Variants in RNF181 observed in about 807,000 individuals in gnomAD.
The protein encoded by RNF181 is E3 ubiquitin-protein ligase RNF181.
Under a neutral mutation model 23.3 loss-of-function variants are expected in RNF181, and 25 were observed. The observed-to-expected ratio is 1.07, with a 90% CI of 0.78 to 1.50. The LOEUF (loss-of-function observed/expected upper bound fraction) is 1.50. Ranked by LOEUF, RNF181 falls within the 40% of genes most tolerant of loss-of-function variation. RNF181 has a pLI of 0.00. For synonymous variants in RNF181, 62 were observed against 70.9 expected, an observed-to-expected ratio of 0.87 and a Z score of 0.63; for missense variants, 167 against 191.1, an observed-to-expected ratio of 0.87 and a Z score of 0.74.
chr2:85,596,000 G>A, intron 1 of RNF181, 151 bp downstream of exon 1: 1 of 697,024 alleles, frequency 1.4e-6, no homozygotes, highest in African/African-American at 1.8e-5. Flanking sequence ...TGAGGGGTGT[G>A]GGGATGAGCA....
chr2:85,597,209 T>C (rs1672694026), intron 4 of RNF181, 31 bp downstream of exon 4: 2 of 1,576,336 alleles, frequency 1.3e-6, no homozygotes, highest in Non-Finnish European at 8.7e-7. Flanking sequence ...GGAGGGGTCG[T>C]AATGGGCTCC....
chr2:85,596,654 G>T lies in RNF181; in HGVS notation c.217+5G>T. ...TCATCAGAGGCTCTCAGGCTGGTGA[G>T]GACACTGATTCTTTCTGCTATTTGG... is the stretch of plus-strand genomic sequence containing the variant. On this transcript the variant is annotated splice_donor_5th_base_variant and intron_variant, in intron 2 of 4. Transcript: ENST00000306368. The T allele has an allele frequency of 6.2e-7, 1 of 1,613,394 alleles. No homozygotes were observed. Among genetic ancestry groups the T allele is most frequent in the Non-Finnish European group, 8.5e-7 (1 of 1,179,404 alleles).
chr2:85,596,536 T>C lies in RNF181; in HGVS notation c.104T>C (p.Met35Thr). The change falls in exon 2 of 5, where the codon ATG becomes ACG. Residue 35 changes from methionine to threonine, a missense_variant. Coordinates refer to ENST00000306368, the MANE Select transcript of RNF181 (RefSeq NM_016494.4). The part of the protein sequence containing the change: ...LELARSLFNR[M>T]DFEDLGLVVD... ...TTCCCCAGGTCACTTTTCAATAGGA[T>C]GGACTTTGAAGACTTGGGGTTGGTA... 6.2e-7 allele frequency: 1 copy of C among 1,611,176 alleles called. No homozygotes were observed. Among genetic ancestry groups the C allele is most frequent in the Non-Finnish European group, 8.5e-7 (1 of 1,178,910 alleles).
intron 4 of RNF181, 95 bp from the exon 5 acceptor site, chr2:85,597,350 G>T: frequency 6.8e-7 from 1 of 1,478,330 alleles, no homozygotes; most frequent in Non-Finnish European, 9.1e-7. Context: ...GACGCCAGAG[G>T]CCTGAAAACA....
chr2:85,597,381 G>T (rs1396886103), intron 4 of RNF181, 64 bp from the exon 5 acceptor site: 1 of 1,540,522 alleles, frequency 6.5e-7, no homozygotes, highest in Middle Eastern at 2.3e-4. Flanking sequence ...CATAATAGCT[G>T]CCCATCCCCT....
chr2:85,596,157 G>T (rs1672668801), intron 1 of RNF181, among the ~76,000 whole-genome samples: 1 of 152,020 alleles, frequency 6.6e-6, no homozygotes, highest in African/African-American at 2.4e-5. Context: ...GCGGGGTTGG[G>T]GCCGTGTGCT....
chr2:85,596,638 G>A lies in RNF181; in HGVS notation c.206G>A (p.Gly69Asp). The change falls in exon 2 of 5, where the codon GGC (glycine) becomes GAC (aspartate). Residue 69 changes from glycine to aspartate, a missense_variant. By Grantham distance (94) the Gly-to-Asp change is moderately conservative. Transcript: ENST00000306368. ...VENLPRTVIR[G>D]SQAELKCPVC... ...AACCTCCCCAGGACAGTCATCAGAG[G>A]CTCTCAGGCTGGTGAGGACACTGAT... 6.2e-7 allele frequency: 1 copy of A among 1,613,682 alleles called. No individual in the cohort carries two copies. The highest frequency in any genetic ancestry group is 1.1e-5 in the South Asian group (1 of 91,080).
In RNF181 at chr2:85,597,113, T is replaced by A; in HGVS notation, c.337T>A (p.Cys113Ser). The A allele has an allele frequency of 1.2e-6, 2 of 1,614,186 alleles. No individual in the cohort carries two copies. The highest frequency in any genetic ancestry group is 2.2e-5 in the South Asian group (2 of 91,080). ...ILPWLSKTNS[C>S]PLCRYELPTD... ...ACTCTACTTTTCTCAGACAAATTCC[T>A]GTCCCTTGTGCCGCTATGAGCTGCC... The change falls in exon 4 of 5, where the codon TGT becomes AGT. Residue 113 changes from cysteine (C) to serine (S), a missense_variant. By Grantham distance (112) the Cys-to-Ser change is moderately radical. Transcript: ENST00000306368.
chr2:85,595,981 C>T (rs1672665089), intron 1 of RNF181, 132 bp downstream of exon 1: 1 of 781,144 alleles, frequency 1.3e-6, no homozygotes, highest in Non-Finnish European at 2.2e-6. Flanking sequence ...TTAGTACGGG[C>T]GGCGAGACTG....
rs1308186842 is a variant in RNF181, at chr2:85,596,584, C to T, written c.152C>T (p.Pro51Leu). The T allele has an allele frequency of 2.5e-6, 4 of 1,614,140 alleles. No homozygotes were observed. Among genetic ancestry groups the T allele is most frequent in the Non-Finnish European group, 3.4e-6 (4 of 1,179,992 alleles). Residue 51 changes from proline (P) to leucine (L), a missense_variant, in exon 2 of 5, where the codon CCT becomes CTT. By Grantham distance (98) the Pro-to-Leu change is moderately conservative. Coordinates refer to ENST00000306368, the MANE Select transcript of RNF181 (RefSeq NM_016494.4). ...GTAGTAGATTGGGACCACCACCTGC[C>T]TCCACCAGCTGCCAAGACTGTGGTT... Reference protein sequence around the residue: ...GLVVDWDHHLPPPAAKTVVEN... With the variant: ...GLVVDWDHHLLPPAAKTVVEN...
At chr2:85,595,908 C>T (rs1192832681) in intron 1 of RNF181, 59 bp downstream of exon 1, 22 of 1,471,920 alleles carry the variant, frequency 1.5e-5, no homozygotes, top group Non-Finnish European at 2.1e-5. Flanking sequence ...CTGGGGCTGG[C>T]TGGAGAAGGC....
At position 85,597,106 on chromosome 2, in the gene RNF181, A is replaced by G; in HGVS notation, c.330A>G (p.Thr110=). 1 of 1,614,156 alleles carries G rather than the reference A, an allele frequency of 6.2e-7. No individual in the cohort carries two copies. The highest frequency in any genetic ancestry group is 8.5e-7 in the Non-Finnish European group (1 of 1,180,028). ...GAACACTACTCTACTTTTCTCAGAC[A>G]AATTCCTGTCCCTTGTGCCGCTATG... ...SSCILPWLSK[T]NSCPLCRYEL... The change falls in exon 4 of 5, where the codon ACA becomes ACG. Residue 110 remains threonine (T), a splice_region_variant and synonymous_variant. Transcript: ENST00000306368.
Position 85,596,762 on chromosome 2 carries a change from A to AGTGGGAGCTTGGGAGGCAGAGCCT in RNF181, c.218-57_218-34dup, listed in dbSNP as rs539663964. On this transcript the variant is annotated intron_variant, in intron 2 of 4. Transcript: ENST00000306368. ...CAGGTGGGGGCAAGTGTCCTTCAGGAGTGGGAGCTTGGGAGGCAGAGCCTG... is the reference window on the plus strand; with the variant it reads ...CAGGTGGGGGCAAGTGTCCTTCAGGAGTGGGAGCTTGGGAGGCAGAGCCTGTGGGAGCTTGGGAGGCAGAGCCTG... 499 of 1,610,108 alleles carry AGTGGGAGCTTGGGAGGCAGAGCCT rather than the reference A, an allele frequency of 3.1e-4. 3 individuals are homozygous for AGTGGGAGCTTGGGAGGCAGAGCCT. The African/African-American group carries it at 5.1e-3, about 16-fold the overall frequency.
intron 1 of RNF181, among the ~76,000 whole-genome samples, chr2:85,596,091 G>C (rs919257710): frequency 3.9e-5 from 6 of 152,050 alleles, no homozygotes; most frequent in Non-Finnish European, 8.8e-5. Context: ...AGTGGTGGGC[G>C]TGGGGGCGGA....
At chr2:85,597,262 A>T in intron 4 of RNF181, 84 bp downstream of exon 4, 1 of 1,407,762 alleles carries the variant, frequency 7.1e-7, no homozygotes, top group East Asian at 2.3e-5. Flanking sequence ...CCTCAGCAGG[A>T]CTGGGTAGGC....
Position 85,596,390 on chromosome 2 carries a change from TCTACTAA to T in RNF181, c.87-121_87-115del. 8.9e-6 allele frequency: 8 copies of T among 903,850 alleles called. No individual in the cohort carries two copies. The South Asian group carries it at 1.4e-4, about 16-fold the overall frequency. The allele number at this position is 903,850 out of a possible 1,614,324, so 56.0% of individuals were successfully genotyped here. A position where few individuals can be genotyped will look rare whatever the true frequency, so the allele number is the denominator to read the frequency against. ...CATCGTGCTTTTTATCTAGTGAGCA[TCTACTAA>T]CTACTAAGGGTAGCTATTATTCCTA... On this transcript the variant is annotated intron_variant, in intron 1 of 4. Transcript: ENST00000306368.
At chr2:85,597,415 C>T in intron 4 of RNF181, 30 bp from the exon 5 acceptor site, 1 of 1,591,134 alleles carries the variant, frequency 6.3e-7, no homozygotes, top group Non-Finnish European at 8.5e-7. Context: ...TCAGTTTTGG[C>T]CCCTGCCCAG....
At chr2:85,597,203 G>A in intron 4 of RNF181, 25 bp downstream of exon 4, 1 of 1,579,716 alleles carries the variant, frequency 6.3e-7, no homozygotes, top group Non-Finnish European at 8.7e-7. Flanking sequence ...TTAAGTGGAG[G>A]GGTCGTAATG....
rs770937584 is a variant in RNF181 at position 85,596,531 on chromosome 2, T to G, written c.99T>G (p.Asn33Lys). Residue 33 changes from asparagine to lysine, a missense_variant, in exon 2 of 5, where the codon AAT (asparagine) becomes AAG (lysine). Physicochemically the swap from Asn to Lys is moderately conservative, Grantham distance 94. Coordinates refer to ENST00000306368, the MANE Select transcript of RNF181 (RefSeq NM_016494.4). ...TCCCCTTCCCCAGGTCACTTTTCAA[T>G]AGGATGGACTTTGAAGACTTGGGGT... ...MLLELARSLF[N>K]RMDFEDLGLV... The G allele has an allele frequency of 6.2e-7, 1 of 1,608,324 alleles. No individual in the cohort carries two copies. The highest frequency in any genetic ancestry group is 8.5e-7 in the Non-Finnish European group (1 of 1,177,934).
Sources: gnomAD v4.1 joint callset for allele counts (sites outside exome capture counted in the v4.1 genomes callset) on GRCh38, gnomAD v4.1.1 for gene constraint, MANE v1.5 for transcripts, NCBI Gene and HGNC (gene_info 2026-07-23, HGNC 2026-07-21) for gene names.